VWF: variants seen among roughly 807,000 people sequenced by gnomAD.
VWF encodes the protein Factor VIII related antigen.
VWF carries 176 observed loss-of-function variants against 308.6 expected under a neutral mutation model. The observed-to-expected ratio is 0.57, with a 90% confidence interval of 0.50 to 0.65. The LOEUF (loss-of-function observed/expected upper bound fraction) is 0.65, where lower values mean the gene tolerates loss of function less well. Ranked by LOEUF, VWF falls within the 30% of genes least tolerant of loss-of-function variation. VWF has a pLI of 0.00. For missense variants in VWF, 3,146 were observed against 3,648.2 expected, an observed-to-expected ratio of 0.86 and a Z score of 3.55; for synonymous variants, 1,385 against 1,443.4, an observed-to-expected ratio of 0.96 and a Z score of 0.92.
rs755175742 is a variant in VWF, at chr12:6,058,069, G to A, written c.1534-25C>T. 40 of 1,612,568 alleles carry A rather than the reference G, an allele frequency of 2.5e-5. No individual in the cohort carries two copies. In the Admixed American group the frequency reaches 6.5e-4, roughly 26 times the overall value. Reference sequence around the variant, plus strand: ...GCTGCAGGAGAGACCAGGCCACTCTGGAGCCGCTGCCGCGAAAGCAGCGGC... The same window carrying A: ...GCTGCAGGAGAGACCAGGCCACTCTAGAGCCGCTGCCGCGAAAGCAGCGGC... On this transcript the variant is annotated intron_variant, in intron 13 of 51. Coordinates refer to ENST00000261405, the MANE Select transcript of VWF (RefSeq NM_000552.5). The surrounding 1 kb of genome is among the most constrained non-coding windows in gnomAD (Gnocchi z 4.9).
intron 10 of VWF, among the ~76,000 whole-genome samples, chr12:6,069,763 T>C (rs1944760792): frequency 6.6e-6 from 1 of 152,252 alleles, no homozygotes; most frequent in African/African-American, 2.4e-5. Context: ...TATCTTTTCA[T>C]CAAGACATCA....
At chr12:6,042,151 G>T (rs1449920656) in intron 18 of VWF, among the ~76,000 whole-genome samples, 1 of 152,214 alleles carries the variant, frequency 6.6e-6, no homozygotes, top group Non-Finnish European at 1.5e-5. Flanking sequence ...GGAAAGCAGG[G>T]AAGCCTGGCC....
At chr12:6,119,524 T>C (rs970737017) in intron 3 of VWF, among the ~76,000 whole-genome samples, 6 of 152,136 alleles carry the variant, frequency 3.9e-5, no homozygotes, top group Admixed American at 3.9e-4. Context: ...TCAAAGCTCC[T>C]TCCCTAGGGC....
At chr12:5,953,832 C>T (rs1204926793) in intron 47 of VWF, 2 of 526,600 alleles carry the variant, frequency 3.8e-6, no homozygotes, top group Admixed American at 6.3e-5. Flanking sequence ...TTAAATGAGA[C>T]CTTTTCCCTG....
At chr12:5,984,145 G>T (rs906426610) in intron 40 of VWF, among the ~76,000 whole-genome samples, 12 of 152,168 alleles carry the variant, frequency 7.9e-5, no homozygotes, top group Admixed American at 6.5e-4. Flanking sequence ...TCTTCTGGAA[G>T]GTGGGAACTC....
intron 5 of VWF, among the ~76,000 whole-genome samples, chr12:6,102,495 G>A (rs1373638812): frequency 6.6e-6 from 1 of 152,136 alleles, no homozygotes. Context: ...CCAGCACTGT[G>A]GGAGGCCGAG....
In VWF at chr12:5,981,905, C is replaced by T; in HGVS notation, c.7168G>A (p.Asp2390Asn). 6.2e-7 allele frequency: 1 copy of T among 1,612,302 alleles called. No individual in the cohort carries two copies. The highest frequency in any genetic ancestry group is 8.5e-7 in the Non-Finnish European group (1 of 1,179,162). Residue 2390 changes from aspartate to asparagine, a missense_variant, in exon 42 of 52, where the codon GAT becomes AAT. Asp to Asn is a conservative substitution (Grantham distance 23). Coordinates refer to ENST00000261405, the MANE Select transcript of VWF (RefSeq NM_000552.5). ...CAGTTGCAGGCACACTCATACTCAT[C>T]ACAGCACTGGGTCTTCCGAAGGGTG... ...LPTLRKTQCC[D>N]EYECACNCVN...
At chr12:6,028,530 A>C (rs949984064) in intron 22 of VWF, among the ~76,000 whole-genome samples, 1 of 152,234 alleles carries the variant, frequency 6.6e-6, no homozygotes. Context: ...TTACTCACAA[A>C]GGGAAGCCCA....
At chr12:5,962,574 C>T (rs371748360) in intron 47 of VWF, among the ~76,000 whole-genome samples, 10 of 127,266 alleles carry the variant, frequency 7.9e-5, no homozygotes, top group East Asian at 4.6e-4. Context: ...GACAGAGTCT[C>T]GCTCTGTCAC....
At chr12:6,036,350 G>A in intron 19 of VWF, 38 bp downstream of exon 19, 1 of 1,601,766 alleles carries the variant, frequency 6.2e-7, no homozygotes, top group Non-Finnish European at 8.6e-7. Flanking sequence ...CCACCCGCAG[G>A]GCCTGGGTCC....
At chr12:6,121,459 G>T in intron 2 of VWF, 121 bp from the exon 3 acceptor site, 1 of 1,262,926 alleles carries the variant, frequency 7.9e-7, no homozygotes, top group Non-Finnish European at 1.1e-6. Flanking sequence ...CTGTGGGGAG[G>T]TATTTTCCAT....
chr12:5,980,209 AGGT>A, intron 42 of VWF, among the ~76,000 whole-genome samples: 2 of 24,626 alleles, frequency 8.1e-5, no homozygotes, highest in Admixed American at 6.0e-4. Flanking sequence ...TGACGTAGGT[AGGT>A]AGGGAGGGAG....
intron 47 of VWF, among the ~76,000 whole-genome samples, chr12:5,960,187 A>G (rs1943297597): frequency 6.6e-6 from 1 of 151,460 alleles, no homozygotes; most frequent in Non-Finnish European, 1.5e-5. Context: ...GAAGGTTTAC[A>G]ACTACAGATT....
intron 18 of VWF, among the ~76,000 whole-genome samples, chr12:6,038,906 T>C (rs1007193844): frequency 2.0e-5 from 3 of 152,018 alleles, no homozygotes; most frequent in African/African-American, 7.2e-5. Context: ...CAGGTAACAA[T>C]AGCCCAGCTA....
At chr12:6,082,681 G>GT (rs1409416265) in intron 6 of VWF, among the ~76,000 whole-genome samples, 2 of 152,222 alleles carry the variant, frequency 1.3e-5, no homozygotes, top group Non-Finnish European at 1.5e-5. Context: ...TCCAGTTTCT[G>GT]TAAGTCACTT....
intron 47 of VWF, among the ~76,000 whole-genome samples, chr12:5,956,144 G>A (rs902597171): frequency 1.3e-5 from 2 of 152,196 alleles, no homozygotes; most frequent in Non-Finnish European, 2.9e-5. Flanking sequence ...TCCCATGTTT[G>A]TGGTGATGCA....
intron 47 of VWF, 101 bp from the exon 48 acceptor site, chr12:5,953,695 A>G: frequency 1.1e-6 from 1 of 917,530 alleles, no homozygotes; most frequent in Middle Eastern, 2.1e-4. Flanking sequence ...CTCATCCAGT[A>G]GTTTCACCTA....
intron 38 of VWF, among the ~76,000 whole-genome samples, chr12:5,987,948 G>A (rs1166651539): frequency 1.3e-5 from 2 of 152,138 alleles, no homozygotes; most frequent in African/African-American, 4.8e-5. Flanking sequence ...CTATCAAATT[G>A]TACACTTTAA....
chr12:6,002,825 AC>A (rs1157437268), intron 34 of VWF, among the ~76,000 whole-genome samples: 3 of 152,126 alleles, frequency 2.0e-5, no homozygotes, highest in Non-Finnish European at 4.4e-5. Context: ...TTTTAATGAA[AC>A]CAGTTTTAAC....
Sources: gnomAD v4.1 joint callset for allele counts (sites outside exome capture counted in the v4.1 genomes callset) on GRCh38, gnomAD v4.1.1 for gene constraint, Gnocchi (gnomAD v3.1) non-coding constraint, MANE v1.5 for transcripts, NCBI Gene and HGNC (gene_info 2026-07-23, HGNC 2026-07-21) for gene names.